EXOC6B: variants seen among roughly 807,000 people sequenced by gnomAD.
EXOC6B encodes exocyst complex component 6B, also known as SEC15 homolog B.
A neutral mutation model predicts 113.5 loss-of-function variants in EXOC6B; 54 were observed. The observed-to-expected ratio is 0.48, with a 90% CI of 0.38 to 0.60. The LOEUF is 0.60. Among genes scored for constraint, EXOC6B ranks in the 20% least tolerant of loss-of-function variants. EXOC6B has a pLI of 0.00. For missense variants in EXOC6B, 797 were observed against 977.5 expected, an observed-to-expected ratio of 0.82 and a Z score of 2.46; for synonymous variants, 357 against 339.0, an observed-to-expected ratio of 1.05 and a Z score of -0.58.
chr2:72,349,127 G>C (rs1455673993), intron 19 of EXOC6B, among the ~76,000 whole-genome samples: 1 of 152,142 alleles, frequency 6.6e-6, no homozygotes, highest in Non-Finnish European at 1.5e-5. Flanking sequence ...AGTTCTCAGT[G>C]CCAGATGTCT....
intron 6 of EXOC6B, among the ~76,000 whole-genome samples, chr2:72,690,396 T>C (rs1008149318): frequency 6.6e-6 from 1 of 152,236 alleles, no homozygotes; most frequent in Non-Finnish European, 1.5e-5. Context: ...ATCATTCCTT[T>C]ATTCTCAATT....
At position 72,730,988 on chromosome 2, in the gene EXOC6B, G is replaced by C. The variant is rs1050260211; in HGVS notation, c.464+19C>G. ...AAATTTTAGATAGTAAAAACTGTTC[G>C]ATTAAAAAAAAATCTTACCTTTTAG... On this transcript the variant is annotated intron_variant, in intron 5 of 21. Coordinates refer to ENST00000272427, the MANE Select transcript of EXOC6B (RefSeq NM_015189.3). The C allele has an allele frequency of 2.6e-6, 4 of 1,510,350 alleles. No homozygotes were observed. Among genetic ancestry groups the C allele is most frequent in the Non-Finnish European group, 3.5e-6 (4 of 1,128,796 alleles). 93.6% of individuals were successfully genotyped at this position (1,510,350 alleles called of 1,614,324 possible). A position where few individuals can be genotyped will look rare whatever the true frequency, so the allele number is the denominator to read the frequency against.
chr2:72,305,356 A>ATATGTATATGTG (rs1211163191), intron 20 of EXOC6B, among the ~76,000 whole-genome samples: 1 of 120,840 alleles, frequency 8.3e-6, no homozygotes, highest in African/African-American at 4.7e-5. Flanking sequence ...ATGTATATGT[A>ATATGTATATGTG]TATGTATATG....
intron 6 of EXOC6B, among the ~76,000 whole-genome samples, chr2:72,711,813 T>C (rs1010224458): frequency 2.0e-5 from 3 of 152,116 alleles, no homozygotes; most frequent in African/African-American, 4.8e-5. Flanking sequence ...AGGTAGTATA[T>C]ACAGCATGGA....
intron 15 of EXOC6B, among the ~76,000 whole-genome samples, chr2:72,493,321 C>CTCT (rs1424314171): frequency 1.6e-3 from 2 of 1,248 alleles, no homozygotes; most frequent in African/African-American, 2.4e-3. Flanking sequence ...TGTTTTTCTC[C>CTCT]CCCCCCCCCC....
At chr2:72,266,852 G>A (rs1209234800) in intron 20 of EXOC6B, among the ~76,000 whole-genome samples, 1 of 152,112 alleles carries the variant, frequency 6.6e-6, no homozygotes, top group Admixed American at 6.6e-5. Flanking sequence ...TGGGCAGTAT[G>A]GCCATTTTCA....
intron 1 of EXOC6B, among the ~76,000 whole-genome samples, chr2:72,804,026 A>G (rs1201047289): frequency 6.6e-6 from 1 of 152,208 alleles, no homozygotes; most frequent in Non-Finnish European, 1.5e-5. Context: ...GGAGCTTCTG[A>G]GCTATGTATA....
chr2:72,403,807 G>C (rs955718625), intron 18 of EXOC6B, among the ~76,000 whole-genome samples: 3 of 152,310 alleles, frequency 2.0e-5, no homozygotes, highest in Non-Finnish European at 4.4e-5. Context: ...GGTGATTTCT[G>C]CATTTCCAAC....
intron 1 of EXOC6B, among the ~76,000 whole-genome samples, chr2:72,819,677 G>A (rs768243025): frequency 2.6e-5 from 4 of 152,210 alleles, no homozygotes; most frequent in East Asian, 3.9e-4. Flanking sequence ...AAGGGTAAAG[G>A]TGGAAGATGA....
At chr2:72,206,531 G>A (rs2192012) in intron 20 of EXOC6B, among the ~76,000 whole-genome samples, 21,991 of 152,088 alleles carry the variant, frequency 0.14, 3,380 homozygotes, top group African/African-American at 0.39. Context: ...TATTCTTCCA[G>A]TGTTTGTGCC....
intron 15 of EXOC6B, among the ~76,000 whole-genome samples, chr2:72,494,015 A>G (rs1366665712): frequency 6.6e-6 from 1 of 152,166 alleles, no homozygotes; most frequent in Non-Finnish European, 1.5e-5. Flanking sequence ...ATTCCAGGAT[A>G]TAAGATAAAT....
chr2:72,495,584 G>T, intron 14 of EXOC6B, 45 bp from the exon 15 acceptor site: 1 of 999,740 alleles, frequency 1.0e-6, no homozygotes, highest in Non-Finnish European at 1.5e-6. Flanking sequence ...AACCAACGAA[G>T]ATTGAAGATA....
chr2:72,736,760 G>A lies in EXOC6B; in HGVS notation c.280-3642C>T, dbSNP rs1455233640. Reference sequence around the variant, plus strand: ...TACCACACGACTACTTCGATAACCAGAGACAAAACATTGTGCTGACTATCA... The same window carrying A: ...TACCACACGACTACTTCGATAACCAAAGACAAAACATTGTGCTGACTATCA... On this transcript the variant is annotated intron_variant, in intron 2 of 21. Coordinates refer to ENST00000272427, the MANE Select transcript of EXOC6B (RefSeq NM_015189.3). Among the ~76,000 whole-genome samples, 9 of 152,152 alleles carry A rather than the reference G, an allele frequency of 5.9e-5. No homozygotes were observed. The East Asian group carries it at 1.7e-3, about 29-fold the overall frequency.
chr2:72,285,586 CT>C (rs1300077733), intron 20 of EXOC6B, among the ~76,000 whole-genome samples: 1 of 151,990 alleles, frequency 6.6e-6, no homozygotes, highest in East Asian at 1.9e-4. Context: ...GCAATGACTT[CT>C]TTTTAGATAT....
chr2:72,693,289 T>TTG (rs1028337128), intron 6 of EXOC6B, among the ~76,000 whole-genome samples: 3 of 139,498 alleles, frequency 2.2e-5, no homozygotes, highest in African/African-American at 9.6e-5. Context: ...GTTTGCAGGT[T>TTG]TTTTTTTTTT....
intron 7 of EXOC6B, among the ~76,000 whole-genome samples, chr2:72,569,179 C>G (rs2103776278): frequency 6.6e-6 from 1 of 152,192 alleles, no homozygotes; most frequent in African/African-American, 2.4e-5. Flanking sequence ...AATAGGCCAG[C>G]TTTCATTAAG....
At chr2:72,630,626 C>T (rs964971335) in intron 6 of EXOC6B, among the ~76,000 whole-genome samples, 1 of 151,970 alleles carries the variant, frequency 6.6e-6, no homozygotes, top group Non-Finnish European at 1.5e-5. Flanking sequence ...TTCTATATAC[C>T]CTTCCACATG....
chr2:72,423,215 C>T (rs1260960554), intron 18 of EXOC6B, among the ~76,000 whole-genome samples: 2 of 151,982 alleles, frequency 1.3e-5, no homozygotes, highest in African/African-American at 4.8e-5. Flanking sequence ...TCTGCAGCTT[C>T]ACTCCTGAGC....
intron 20 of EXOC6B, among the ~76,000 whole-genome samples, chr2:72,274,024 C>T (rs906526684): frequency 3.9e-5 from 6 of 151,968 alleles, no homozygotes; most frequent in African/African-American, 1.2e-4. Flanking sequence ...AAGAGTTCAG[C>T]GTTTGGAATG....
Sources: allele counts gnomAD v4.1 joint callset (sites outside exome capture counted in the v4.1 genomes callset), GRCh38; gene constraint gnomAD v4.1.1; transcripts MANE v1.5; gene names NCBI Gene and HGNC (gene_info 2026-07-23, HGNC 2026-07-21).